Variants in SLC24A2 observed in about 807,000 individuals in gnomAD.
SLC24A2 encodes the protein solute carrier family 24 member 2, also known as sodium/potassium/calcium exchanger 2.
Under a neutral mutation model 62.0 loss-of-function variants are expected in SLC24A2, and 36 were observed. The ratio of observed to expected loss-of-function variants is 0.58; its 90% confidence interval spans 0.44 to 0.77. The LOEUF (loss-of-function observed/expected upper bound fraction) is 0.77. SLC24A2 is among the 30% of genes least tolerant of loss of function. The pLI is 0.00. For synonymous variants in SLC24A2, 358 were observed against 294.0 expected (o/e 1.22, Z -2.23); for missense variants, 846 against 817.9 (o/e 1.03, Z -0.42).
the SLC24A2 span, among the ~76,000 whole-genome samples, chr9:19,953,634 A>G: frequency 1.3e-5 from 2 of 152,084 alleles, no homozygotes; most frequent in Admixed American, 1.3e-4. Flanking sequence ...TAGGTCCAAA[A>G]TCATTTAATT....
chr9:19,619,608 G>A lies in SLC24A2; in HGVS notation c.1054C>T (p.His352Tyr). 6.2e-7 allele frequency: 1 copy of A among 1,613,836 alleles called. No individual in the cohort carries two copies. Among genetic ancestry groups the A allele is most frequent in the Non-Finnish European group, 8.5e-7 (1 of 1,179,732 alleles). The change falls in exon 4 of 11, where the codon CAC (histidine) becomes TAC (tyrosine). Residue 352 changes from histidine (H) to tyrosine (Y), a missense_variant. His to Tyr is a moderately conservative substitution (Grantham distance 83). Coordinates refer to ENST00000341998, the MANE Select transcript of SLC24A2 (RefSeq NM_020344.4). ...MRNSIFQLMI[H>Y]TLDPLAEELG... ...CCTTCGGCGAGTGGGTCAAGGGTGT[G>A]TATCATGAGTTGGAAGATGCTATTC...
chr9:19,862,443 C>T, the SLC24A2 span, among the ~76,000 whole-genome samples: 1 of 152,016 alleles, frequency 6.6e-6, no homozygotes, highest in South Asian at 2.1e-4. Flanking sequence ...AATGCTAAAA[C>T]AGTACTTCAA....
chr9:19,821,550 A>C, the SLC24A2 span, among the ~76,000 whole-genome samples: 4 of 152,154 alleles, frequency 2.6e-5, no homozygotes, highest in African/African-American at 9.6e-5. Context: ...AGAACTTCTG[A>C]AGTCTTAATG....
the SLC24A2 span, among the ~76,000 whole-genome samples, chr9:19,843,748 T>C: frequency 6.6e-6 from 1 of 152,160 alleles, no homozygotes; most frequent in Non-Finnish European, 1.5e-5. Context: ...AATGTTTAGC[T>C]CTCACTTACA....
chr9:19,946,085 C>G, the SLC24A2 span, among the ~76,000 whole-genome samples: 1 of 152,294 alleles, frequency 6.6e-6, no homozygotes, highest in Admixed American at 6.5e-5. Flanking sequence ...GGTAAAATTT[C>G]TTTGCTCGCT....
chr9:19,544,725 A>G (rs1834462221), intron 8 of SLC24A2, among the ~76,000 whole-genome samples: 1 of 152,104 alleles, frequency 6.6e-6, no homozygotes, highest in Non-Finnish European at 1.5e-5. Context: ...CTGGGTTGAA[A>G]ATTCTTTTAA....
chr9:19,771,131 A>C (rs1822674208), intron 2 of SLC24A2, among the ~76,000 whole-genome samples: 1 of 152,222 alleles, frequency 6.6e-6, no homozygotes, highest in Non-Finnish European at 1.5e-5. Context: ...ATCCAAGGTG[A>C]TTATGCAATG....
the SLC24A2 span, among the ~76,000 whole-genome samples, chr9:20,261,528 G>A: frequency 3.9e-5 from 6 of 152,094 alleles, no homozygotes; most frequent in Admixed American, 6.5e-5. Flanking sequence ...TGAGGGCGCC[G>A]CCCTCATGAC....
At chr9:19,520,804 C>T (rs1253924237) in intron 10 of SLC24A2, 90 bp downstream of exon 10, 18 of 1,254,840 alleles carry the variant, frequency 1.4e-5, no homozygotes, top group Non-Finnish European at 2.0e-5. Context: ...GTCTTAGGTT[C>T]AGAGATCCTG....
At chr9:20,056,561 G>C in the SLC24A2 span, among the ~76,000 whole-genome samples, 1 of 152,184 alleles carries the variant, frequency 6.6e-6, no homozygotes, top group East Asian at 1.9e-4. Flanking sequence ...ATAAGCACTA[G>C]AATTTTAATT....
the SLC24A2 span, among the ~76,000 whole-genome samples, chr9:20,068,227 T>A: frequency 1.3e-5 from 2 of 151,912 alleles, no homozygotes; most frequent in Non-Finnish European, 2.9e-5. Flanking sequence ...CACGCCTGGA[T>A]AATTTTCTGT....
the SLC24A2 span, among the ~76,000 whole-genome samples, chr9:20,022,336 T>C: frequency 6.6e-6 from 1 of 152,236 alleles, no homozygotes; most frequent in South Asian, 2.1e-4. Context: ...AGCCAATTCA[T>C]AGATATTTAT....
At chr9:19,824,941 G>A in the SLC24A2 span, among the ~76,000 whole-genome samples, 1 of 152,132 alleles carries the variant, frequency 6.6e-6, no homozygotes, top group Non-Finnish European at 1.5e-5. Context: ...AACACTGCAT[G>A]TTCTCACTCA....
chr9:19,736,181 C>T (rs542735377), intron 2 of SLC24A2, among the ~76,000 whole-genome samples: 96 of 151,378 alleles, frequency 6.3e-4, no homozygotes, highest in South Asian at 3.1e-3. Context: ...ATTTTAATAA[C>T]GGAATAATAA....
chr9:19,798,841 A>G, the SLC24A2 span, among the ~76,000 whole-genome samples: 1 of 152,234 alleles, frequency 6.6e-6, no homozygotes, highest in Non-Finnish European at 1.5e-5. Context: ...CAAATAAGGT[A>G]TGCCCTTTCT....
At chr9:19,954,472 T>G in the SLC24A2 span, among the ~76,000 whole-genome samples, 5 of 151,984 alleles carry the variant, frequency 3.3e-5, no homozygotes, top group Non-Finnish European at 2.9e-5. Context: ...GACATAAACA[T>G]AGGCTATCCC....
chr9:20,030,419 A>T, the SLC24A2 span, among the ~76,000 whole-genome samples: 1 of 152,200 alleles, frequency 6.6e-6, no homozygotes, highest in Non-Finnish European at 1.5e-5. Context: ...CTGTACAACC[A>T]TGCAGAAAGG....
intron 2 of SLC24A2, among the ~76,000 whole-genome samples, chr9:19,770,288 T>C (rs77970088): frequency 0.063 from 9,623 of 152,024 alleles, 370 homozygotes; most frequent in African/African-American, 0.11. Context: ...GTTCTGGACA[T>C]CTAAGTAAGA....
chr9:19,636,306 T>C (rs1377944005), intron 2 of SLC24A2, among the ~76,000 whole-genome samples: 25 of 42,120 alleles, frequency 5.9e-4, no homozygotes, highest in African/African-American at 1.5e-3. Context: ...TTTCTTTTCT[T>C]TTCTTTTCTT....
Sources: allele counts gnomAD v4.1 joint callset (sites outside exome capture counted in the v4.1 genomes callset), GRCh38; gene constraint gnomAD v4.1.1; transcripts MANE v1.5; gene names NCBI Gene and HGNC (gene_info 2026-07-23, HGNC 2026-07-21).